The following POLR3B variants were observed in gnomAD, a reference collection of about 807,000 sequenced individuals.
The protein encoded by POLR3B is DNA-directed RNA polymerase III subunit RPC2.
POLR3B carries 96 observed loss-of-function variants against 147.4 expected under a neutral mutation model. That is an observed-to-expected ratio of 0.65 (90% CI 0.55 to 0.77). The LOEUF is 0.77. Ranked by LOEUF, POLR3B falls within the 30% of genes least tolerant of loss-of-function variation. The pLI is 0.00. For missense variants in POLR3B, 1,036 were observed against 1,413.5 expected (o/e 0.73, Z 4.28); for synonymous variants, 461 against 485.9 (o/e 0.95, Z 0.67).
intron 21 of POLR3B, among the ~76,000 whole-genome samples, chr12:106,458,958 A>G (rs933819886): frequency 6.6e-6 from 1 of 152,338 alleles, no homozygotes; most frequent in Non-Finnish European, 1.5e-5. Context: ...ATTGCTATTT[A>G]CTGAGATGAT....
intron 9 of POLR3B, among the ~76,000 whole-genome samples, chr12:106,387,886 G>C (rs1387371063): frequency 6.6e-5 from 10 of 152,192 alleles, no homozygotes; most frequent in Non-Finnish European, 1.5e-4. Context: ...GAAGGGGAGT[G>C]CCCTTTTTCT....
Position 106,509,643 on chromosome 12 carries a change from A to G in POLR3B, c.*94A>G, listed in dbSNP as rs973156194. On this transcript the variant is annotated 3_prime_UTR_variant, in exon 28 of 28. Transcript: ENST00000228347. ...AGGACTACGTCTCCTCCTGTGAAGA[A>G]TTCCCTTGCGTATTCTCTCTCTAAA... 1 of 1,153,506 alleles carries G rather than the reference A, an allele frequency of 8.7e-7. No homozygotes were observed. Among genetic ancestry groups the G allele is most frequent in the East Asian group, 2.5e-5 (1 of 39,598 alleles). 71.5% of individuals were successfully genotyped at this position (1,153,506 alleles called of 1,614,324 possible).
intron 23 of POLR3B, among the ~76,000 whole-genome samples, chr12:106,480,531 C>G (rs575342865): frequency 1.3e-5 from 2 of 152,086 alleles, no homozygotes; most frequent in Non-Finnish European, 2.9e-5. Context: ...GACTTTAATT[C>G]CTCTGTATCA....
intron 23 of POLR3B, among the ~76,000 whole-genome samples, chr12:106,486,560 T>C (rs1453829517): frequency 6.6e-6 from 1 of 152,192 alleles, no homozygotes; most frequent in Non-Finnish European, 1.5e-5. Context: ...TTTTTTAGTA[T>C]TATTTTCTGT....
intron 19 of POLR3B, among the ~76,000 whole-genome samples, chr12:106,451,072 T>C (rs1593048419): frequency 6.6e-6 from 1 of 152,144 alleles, no homozygotes; most frequent in Non-Finnish European, 1.5e-5. Flanking sequence ...AAGCAGATAC[T>C]GTATAACTCC....
chr12:106,357,834 G>A lies in POLR3B; in HGVS notation c.-46G>A. ...CTTGCAGTTTGCTTGGTGCAGGGAA[G>A]GCGGGCGCGGAGGTTCTATCTGTTT... On this transcript the variant is annotated 5_prime_UTR_variant, in exon 1 of 28. Coordinates refer to ENST00000228347, the MANE Select transcript of POLR3B (RefSeq NM_018082.6). The A allele has an allele frequency of 1.3e-6, 2 of 1,582,782 alleles. No homozygotes were observed.
At position 106,500,264 on chromosome 12, in the gene POLR3B, G is replaced by A. The variant is rs142958927; in HGVS notation, c.2985-1059G>A. ...CTGGTTGTTCTTGCTCCAGATTAAT[G>A]AGAAAAGGTTTCTTCTGTCAAAGTA... On this transcript the variant is annotated intron_variant, in intron 25 of 27. Coordinates refer to ENST00000228347, the MANE Select transcript of POLR3B (RefSeq NM_018082.6). The A allele has an allele frequency of 2.6e-5, 11 of 430,374 alleles. No individual in the cohort carries two copies. The East Asian group carries it at 7.7e-4, about 30-fold the overall frequency. The allele number at this position is 430,374 out of a possible 1,614,324, so 26.7% of individuals were successfully genotyped here. A position where few individuals can be genotyped will look rare whatever the true frequency, so the allele number is the denominator to read the frequency against.
At chr12:106,488,898 A>C (rs190645828) in intron 23 of POLR3B, among the ~76,000 whole-genome samples, 224 of 152,308 alleles carry the variant, frequency 1.5e-3, no homozygotes, top group African/African-American at 5.2e-3. Context: ...AGGAATTCTC[A>C]AGTTCCATTT....
intron 20 of POLR3B, among the ~76,000 whole-genome samples, chr12:106,456,587 A>C (rs2037865942): frequency 6.6e-6 from 1 of 152,202 alleles, no homozygotes; most frequent in African/African-American, 2.4e-5. Context: ...AATTTTAAAA[A>C]GGAAAACTTT....
intron 19 of POLR3B, among the ~76,000 whole-genome samples, chr12:106,453,520 A>T (rs2037825807): frequency 6.6e-6 from 1 of 152,066 alleles, no homozygotes; most frequent in Non-Finnish European, 1.5e-5. Flanking sequence ...AGAGACTTAA[A>T]GCTGCCTTAG....
chr12:106,417,559 G>T (rs1593029744), intron 12 of POLR3B, among the ~76,000 whole-genome samples: 1 of 152,148 alleles, frequency 6.6e-6, no homozygotes, highest in Non-Finnish European at 1.5e-5. Context: ...CTAGATGAGA[G>T]ATAGTGCGGC....
intron 9 of POLR3B, among the ~76,000 whole-genome samples, chr12:106,389,507 G>A (rs2036885410): frequency 1.3e-5 from 2 of 152,256 alleles, no homozygotes; most frequent in East Asian, 3.9e-4. Context: ...ACTTGAAGTG[G>A]CAATCCATAC....
intron 6 of POLR3B, among the ~76,000 whole-genome samples, chr12:106,374,585 G>A (rs2036652853): frequency 6.6e-6 from 1 of 151,668 alleles, no homozygotes; most frequent in African/African-American, 2.4e-5. Flanking sequence ...TGTGATCTTG[G>A]CTCACTGCAA....
chr12:106,504,346 C>A lies in POLR3B; in HGVS notation c.3272+92C>A. ...CCCTGGATCCTATCCGCATATTCTC[C>A]AGCCTCTGTCTGTGATCACTAACAT... On this transcript the variant is annotated intron_variant, in intron 27 of 27. Coordinates refer to ENST00000228347, the MANE Select transcript of POLR3B (RefSeq NM_018082.6). This position sits in a 1 kb window ranked among gnomAD's most constrained non-coding sequence, Gnocchi z 4.6. 9.7e-7 allele frequency: 1 copy of A among 1,033,296 alleles called. No homozygotes were observed. The allele number at this position is 1,033,296 out of a possible 1,614,324, so 64.0% of individuals were successfully genotyped here.
intron 10 of POLR3B, among the ~76,000 whole-genome samples, chr12:106,395,837 G>T (rs1487629609): frequency 6.6e-6 from 1 of 152,150 alleles, no homozygotes; most frequent in Non-Finnish European, 1.5e-5. Flanking sequence ...GGGCGTGGTG[G>T]TGGGTGCCTG....
At chr12:106,507,647 T>C (rs772922220) in intron 27 of POLR3B, 5 of 376,130 alleles carry the variant, frequency 1.3e-5, no homozygotes, top group Admixed American at 7.2e-5. Flanking sequence ...ATTTGTACTG[T>C]TAACGGATCA....
Position 106,509,715 on chromosome 12 carries a change from C to A in POLR3B, c.*166C>A. ...GGCTTTTTATATACTCTAAGACTGG[C>A]TAAACAACCTTGATCATTGAGCCTC... On this transcript the variant is annotated 3_prime_UTR_variant, in exon 28 of 28. Coordinates refer to ENST00000228347, the MANE Select transcript of POLR3B (RefSeq NM_018082.6). 1.7e-6 allele frequency: 1 copy of A among 604,140 alleles called. No individual in the cohort carries two copies. The highest frequency in any genetic ancestry group is 2.9e-6 in the Non-Finnish European group (1 of 342,406). 37.4% of individuals were successfully genotyped at this position (604,140 alleles called of 1,614,324 possible).
intron 1 of POLR3B, among the ~76,000 whole-genome samples, chr12:106,362,351 T>C (rs1484770587): frequency 6.6e-6 from 1 of 152,140 alleles, no homozygotes; most frequent in Non-Finnish European, 1.5e-5. Flanking sequence ...TATTAGCTCA[T>C]AGGGCTGCCG....
intron 20 of POLR3B, among the ~76,000 whole-genome samples, chr12:106,456,727 T>A (rs2037870015): frequency 6.6e-6 from 1 of 152,158 alleles, no homozygotes. Flanking sequence ...GCCACTTAAT[T>A]TCTCTAGACC....
Sources: allele counts gnomAD v4.1 joint callset (sites outside exome capture counted in the v4.1 genomes callset), GRCh38; gene constraint gnomAD v4.1.1; non-coding constraint Gnocchi (gnomAD v3.1); transcripts MANE v1.5; gene names NCBI Gene and HGNC (gene_info 2026-07-23, HGNC 2026-07-21).